The following CHN2 variants were observed in gnomAD, a reference collection of about 807,000 sequenced individuals.
The protein encoded by CHN2 is beta-chimaerin.
In CHN2, 35 loss-of-function variants were observed where a neutral mutation model predicts 56.3. That is an observed-to-expected ratio of 0.62 (90% confidence interval 0.47 to 0.82). The LOEUF is 0.82. CHN2 is among the 40% of genes least tolerant of loss of function. The pLI, the probability that CHN2 is intolerant of heterozygous loss-of-function variation, is 0.00. For synonymous variants in CHN2, 210 were observed against 212.8 expected (o/e 0.99, Z 0.12); for missense variants, 491 against 580.5 (o/e 0.85, Z 1.58).
chr7:29,325,738 G>C (rs946940927), intron 1 of CHN2, among the ~76,000 whole-genome samples: 25 of 152,130 alleles, frequency 1.6e-4, no homozygotes, highest in African/African-American at 5.3e-4. Context: ...ACTTACGGCT[G>C]GTCTGAAAAA....
At chr7:29,443,303 G>A (rs986476365) in intron 6 of CHN2, among the ~76,000 whole-genome samples, 1 of 152,168 alleles carries the variant, frequency 6.6e-6, no homozygotes, top group Admixed American at 6.5e-5. Flanking sequence ...TTGCCCATTT[G>A]GATGTATAAG....
intron 6 of CHN2, among the ~76,000 whole-genome samples, chr7:29,456,213 C>T (rs568537541): frequency 1.3e-5 from 2 of 152,282 alleles, no homozygotes; most frequent in South Asian, 2.1e-4. Flanking sequence ...CTCCTCTGAA[C>T]GTATTGCTTC....
At chr7:29,457,452 A>T (rs537479136) in intron 6 of CHN2, among the ~76,000 whole-genome samples, 1 of 152,274 alleles carries the variant, frequency 6.6e-6, no homozygotes, top group South Asian at 2.1e-4. Context: ...TGAGAACGAG[A>T]TTCTGGAAAC....
intron 1 of CHN2, among the ~76,000 whole-genome samples, chr7:29,239,623 A>G (rs1787492932): frequency 6.6e-6 from 1 of 152,198 alleles, no homozygotes; most frequent in African/African-American, 2.4e-5. Context: ...CCTAAGTCTC[A>G]AAGTTCTTAC....
intron 3 of CHN2, among the ~76,000 whole-genome samples, chr7:29,369,608 TAGAG>T (rs1221494918): frequency 6.6e-6 from 1 of 152,112 alleles, no homozygotes; most frequent in Non-Finnish European, 1.5e-5. Flanking sequence ...AAGAGAGAGA[TAGAG>T]AGAAAAAACC....
At chr7:29,328,129 C>T (rs894942626) in intron 1 of CHN2, among the ~76,000 whole-genome samples, 4 of 152,118 alleles carry the variant, frequency 2.6e-5, no homozygotes, top group Admixed American at 6.6e-5. Flanking sequence ...TCCTGGGCAG[C>T]GTCTTCATTT....
intron 1 of CHN2, among the ~76,000 whole-genome samples, chr7:29,347,979 C>G (rs1405769688): frequency 6.6e-6 from 1 of 152,214 alleles, no homozygotes; most frequent in African/African-American, 2.4e-5. Flanking sequence ...AGGATTCACA[C>G]AAATCTCTTA....
chr7:29,485,051 CTT>C (rs1230679285), intron 7 of CHN2, among the ~76,000 whole-genome samples: 4 of 151,366 alleles, frequency 2.6e-5, no homozygotes, highest in East Asian at 1.9e-4. Flanking sequence ...TTCTTTGTCT[CTT>C]ATCTTTACCA....
intron 6 of CHN2, among the ~76,000 whole-genome samples, chr7:29,433,262 G>A (rs1008495765): frequency 2.0e-5 from 3 of 152,078 alleles, no homozygotes; most frequent in South Asian, 2.1e-4. Flanking sequence ...GATAAGGTCC[G>A]GAAACCCAAA....
intron 1 of CHN2, among the ~76,000 whole-genome samples, chr7:29,339,724 G>A (rs555864822): frequency 6.9e-4 from 105 of 151,974 alleles, no homozygotes; most frequent in African/African-American, 2.4e-3. Context: ...ATGATGGCAC[G>A]TGCCTGCAAT....
chr7:29,504,798 A>G lies in CHN2; in HGVS notation c.968A>G (p.Asp323Gly). The change falls in exon 10 of 13, where the codon GAT becomes GGT. Residue 323 changes from aspartate to glycine, a missense_variant. Coordinates refer to ENST00000222792, the MANE Select transcript of CHN2 (RefSeq NM_004067.4). ...RVSGFTEHIE[D>G]VKMAFDRDGE... is the part of the protein sequence containing the mutation. ...TCTGGGTTCACTGAACACATTGAAGATGTCAAAATGGCATTTGACAGAGGT... is the reference window on the plus strand; with the variant it reads ...TCTGGGTTCACTGAACACATTGAAGGTGTCAAAATGGCATTTGACAGAGGT... 6.2e-7 allele frequency: 1 copy of G among 1,613,412 alleles called. No homozygotes were observed.
At chr7:29,356,493 C>T (rs747858968) in intron 2 of CHN2, among the ~76,000 whole-genome samples, 1 of 152,176 alleles carries the variant, frequency 6.6e-6, no homozygotes, top group Non-Finnish European at 1.5e-5. Flanking sequence ...TAGCTGAGCT[C>T]TGTGAATGTG....
chr7:29,458,414 CACA>C (rs1562623270), intron 6 of CHN2, among the ~76,000 whole-genome samples: 12 of 142,952 alleles, frequency 8.4e-5, no homozygotes, highest in Non-Finnish European at 1.7e-4. Flanking sequence ...CACACACACA[CACA>C]CCCCATGCAT....
intron 1 of CHN2, among the ~76,000 whole-genome samples, chr7:29,276,609 TTAAA>T (rs1179107056): frequency 2.0e-5 from 3 of 152,202 alleles, no homozygotes; most frequent in African/African-American, 4.8e-5. Context: ...ATTGTAAAGA[TTAAA>T]TAAGAAATTG....
intron 1 of CHN2, among the ~76,000 whole-genome samples, chr7:29,245,425 G>C (rs746987087): frequency 6.6e-6 from 1 of 152,118 alleles, no homozygotes; most frequent in Non-Finnish European, 1.5e-5. Flanking sequence ...TTTTGAATTT[G>C]GGCAAAACAA....
intron 1 of CHN2, among the ~76,000 whole-genome samples, chr7:29,287,152 T>C (rs571797178): frequency 6.6e-6 from 1 of 152,286 alleles, no homozygotes; most frequent in South Asian, 2.1e-4. Context: ...CTCCCTTGTT[T>C]GATTCAAGGC....
intron 1 of CHN2, among the ~76,000 whole-genome samples, chr7:29,301,773 G>GC: frequency 6.6e-6 from 1 of 152,284 alleles, no homozygotes; most frequent in Non-Finnish European, 1.5e-5. Context: ...AGAAGGAAGT[G>GC]CTTGTTATCA....
At chr7:29,281,454 CAT>C (rs1192947159) in intron 1 of CHN2, among the ~76,000 whole-genome samples, 1 of 152,188 alleles carries the variant, frequency 6.6e-6, no homozygotes, top group African/African-American at 2.4e-5. Context: ...ATTTCACACA[CAT>C]GTGAGTGTAT....
chr7:29,415,981 A>G (rs1422548487), intron 6 of CHN2, among the ~76,000 whole-genome samples: 2 of 152,182 alleles, frequency 1.3e-5, no homozygotes, highest in Non-Finnish European at 2.9e-5. Context: ...TGTAAGTTTT[A>G]CTGGGTTTGG....
Sources: allele counts gnomAD v4.1 joint callset (sites outside exome capture counted in the v4.1 genomes callset), GRCh38; gene constraint gnomAD v4.1.1; transcripts MANE v1.5; gene names NCBI Gene and HGNC (gene_info 2026-07-23, HGNC 2026-07-21).